FCHSD2: variants seen among roughly 807,000 people sequenced by gnomAD.
The protein encoded by FCHSD2 is FCH and double SH3 domains 2.
Under a neutral mutation model 108.1 loss-of-function variants are expected in FCHSD2, and 38 were observed. That is an observed-to-expected ratio of 0.35 (90% confidence interval 0.27 to 0.46). The LOEUF (loss-of-function observed/expected upper bound fraction) is 0.46. Ranked by LOEUF, FCHSD2 falls within the 20% of genes least tolerant of loss-of-function variation. The pLI is 1.00. For missense variants in FCHSD2, 751 were observed against 897.8 expected (o/e 0.84, Z 2.09); for synonymous variants, 279 against 314.7 (o/e 0.89, Z 1.20).
At chr11:73,127,247 C>G (rs1242830449) in intron 2 of FCHSD2, among the ~76,000 whole-genome samples, 1 of 152,092 alleles carries the variant, frequency 6.6e-6, no homozygotes, top group African/African-American at 2.4e-5. Flanking sequence ...GCTCACAAAA[C>G]AGAAAACATC....
At chr11:73,027,584 T>C (rs1858257857) in intron 3 of FCHSD2, among the ~76,000 whole-genome samples, 1 of 152,190 alleles carries the variant, frequency 6.6e-6, no homozygotes, top group African/African-American at 2.4e-5. Context: ...GAAAAACCAA[T>C]TTTCTGAAGA....
chr11:73,083,823 C>G, intron 2 of FCHSD2, 83 bp from the exon 3 acceptor site: 1 of 873,518 alleles, frequency 1.1e-6, no homozygotes, highest in Non-Finnish European at 1.8e-6. Context: ...TCAAATACTG[C>G]CTGGTTAAGA....
At chr11:73,056,364 T>C (rs1448704320) in intron 3 of FCHSD2, among the ~76,000 whole-genome samples, 1 of 152,224 alleles carries the variant, frequency 6.6e-6, no homozygotes, top group Non-Finnish European at 1.5e-5. Flanking sequence ...TATTTTTTAC[T>C]GCTAGGGAAT....
intron 8 of FCHSD2, among the ~76,000 whole-genome samples, chr11:72,946,475 ACATGG>A (rs1487634311): frequency 1.3e-5 from 2 of 152,082 alleles, no homozygotes; most frequent in African/African-American, 4.8e-5. Context: ...CAGCACACCA[ACATGG>A]CACATGTATA....
intron 2 of FCHSD2, among the ~76,000 whole-genome samples, chr11:73,134,906 A>G (rs1371251541): frequency 1.3e-5 from 2 of 152,034 alleles, no homozygotes; most frequent in African/African-American, 4.8e-5. Flanking sequence ...GTGCTGTGGC[A>G]CTATCTCAGC....
chr11:72,849,764 A>T lies in FCHSD2; in HGVS notation c.1434T>A (p.Tyr478Ter), dbSNP rs775903756. The change falls in exon 14 of 20, where the codon TAT becomes TAA. Residue 478 changes from tyrosine (Y) to a stop codon, truncating the protein, a stop_gained. Transcript: ENST00000409418. LOFTEE classifies it high-confidence loss of function. Reference sequence around the variant, plus strand: ...TTGGAGAAATACAAACCTTGTAGGAATAAACAACTTTGCAGGTGAGTGGAT... The same window carrying T: ...TTGGAGAAATACAAACCTTGTAGGATTAAACAACTTTGCAGGTGAGTGGAT... ...RNYPLTCKVV[Y>*]SYKASQPDEL... is the part of the protein sequence containing the mutation. The T allele has an allele frequency of 6.2e-7, 1 of 1,610,930 alleles. No individual in the cohort carries two copies. Among genetic ancestry groups the T allele is most frequent in the Non-Finnish European group, 8.5e-7 (1 of 1,177,910 alleles).
intron 12 of FCHSD2, among the ~76,000 whole-genome samples, chr11:72,886,404 T>G (rs1855199844): frequency 6.6e-6 from 1 of 152,204 alleles, no homozygotes; most frequent in Middle Eastern, 3.2e-3. Flanking sequence ...AGCATTCATC[T>G]TAAGTCTTCT....
intron 13 of FCHSD2, among the ~76,000 whole-genome samples, chr11:72,866,428 C>T (rs1255263846): frequency 2.6e-5 from 4 of 152,094 alleles, no homozygotes; most frequent in South Asian, 4.1e-4. Context: ...TGCCACCATG[C>T]CTGGCTAATT....
At chr11:72,873,197 C>T (rs1471022795) in intron 12 of FCHSD2, among the ~76,000 whole-genome samples, 3 of 151,898 alleles carry the variant, frequency 2.0e-5, no homozygotes, top group Non-Finnish European at 4.4e-5. Context: ...GACACGGTGG[C>T]GGGTGCCTGT....
chr11:73,028,326 G>T (rs962545489), intron 3 of FCHSD2, among the ~76,000 whole-genome samples: 3 of 152,204 alleles, frequency 2.0e-5, no homozygotes, highest in Non-Finnish European at 4.4e-5. Flanking sequence ...AGTCAAAGGA[G>T]ATTATTTTGG....
chr11:72,846,154 G>A (rs566919751), intron 14 of FCHSD2, among the ~76,000 whole-genome samples: 33 of 151,488 alleles, frequency 2.2e-4, no homozygotes, highest in African/African-American at 8.0e-4. Flanking sequence ...GACTACTCAT[G>A]ATGAGTAAGC....
intron 8 of FCHSD2, among the ~76,000 whole-genome samples, chr11:72,926,359 G>T (rs1856076031): frequency 6.6e-6 from 1 of 152,174 alleles, no homozygotes; most frequent in South Asian, 2.1e-4. Flanking sequence ...GCCAGAGGAG[G>T]AATAGGGTAG....
At chr11:73,011,851 T>C (rs1857870393) in intron 4 of FCHSD2, among the ~76,000 whole-genome samples, 1 of 152,212 alleles carries the variant, frequency 6.6e-6, no homozygotes, top group Admixed American at 6.5e-5. Flanking sequence ...ACTTTTCTGT[T>C]GAATTCCAGT....
At chr11:72,899,735 TAAA>T (rs10674308) in intron 10 of FCHSD2, among the ~76,000 whole-genome samples, 5 of 72,734 alleles carry the variant, frequency 6.9e-5, no homozygotes, top group East Asian at 9.6e-4. Context: ...GACCCTATCT[TAAA>T]AAAAAAAAAA....
intron 8 of FCHSD2, among the ~76,000 whole-genome samples, chr11:72,956,885 C>T (rs1274034099): frequency 1.3e-5 from 2 of 151,344 alleles, no homozygotes; most frequent in Non-Finnish European, 2.9e-5. Context: ...ATATTAATAT[C>T]ACCAGGGGTG....
chr11:72,952,560 A>G (rs1211274108), intron 8 of FCHSD2, among the ~76,000 whole-genome samples: 1 of 152,080 alleles, frequency 6.6e-6, no homozygotes, highest in African/African-American at 2.4e-5. Context: ...CCTGACCTCA[A>G]GTGATCTACC....
chr11:72,957,019 CTTT>C (rs76815220), intron 8 of FCHSD2, among the ~76,000 whole-genome samples: 6 of 145,892 alleles, frequency 4.1e-5, no homozygotes, highest in African/African-American at 1.0e-4. Context: ...GGACTCTAGT[CTTT>C]TTTTTTTTTT....
At chr11:73,078,619 A>T (rs1268329700) in intron 3 of FCHSD2, among the ~76,000 whole-genome samples, 1 of 150,910 alleles carries the variant, frequency 6.6e-6, no homozygotes, top group African/African-American at 2.4e-5. Context: ...GAAATCCAAA[A>T]ATAACAACTA....
intron 8 of FCHSD2, among the ~76,000 whole-genome samples, chr11:72,934,792 T>C (rs1856267327): frequency 6.6e-6 from 1 of 152,188 alleles, no homozygotes; most frequent in Admixed American, 6.5e-5. Context: ...TATCCAAATA[T>C]ACTTAAAAAA....
Sources: allele counts gnomAD v4.1 joint callset (sites outside exome capture counted in the v4.1 genomes callset), GRCh38; gene constraint gnomAD v4.1.1; transcripts MANE v1.5; gene names NCBI Gene and HGNC (gene_info 2026-07-23, HGNC 2026-07-21).